Variants in USP34 observed in about 807,000 individuals in gnomAD.
USP34 encodes ubiquitin specific peptidase 34.
USP34 carries 70 observed loss-of-function variants against 460.3 expected under a neutral mutation model. The ratio of observed to expected loss-of-function variants is 0.15; its 90% CI spans 0.13 to 0.19. The LOEUF is 0.19. Ranked by LOEUF, USP34 falls within the 10% of genes least tolerant of loss-of-function variation. The pLI is 1.00. For synonymous variants in USP34, 1,647 were observed against 1,405.3 expected (o/e 1.17, Z -3.85); for missense variants, 3,985 against 4,236.2 (o/e 0.94, Z 1.65).
At chr2:61,278,706 C>T (rs1264085113) in intron 39 of USP34, among the ~76,000 whole-genome samples, 2 of 151,920 alleles carry the variant, frequency 1.3e-5, no homozygotes, top group African/African-American at 2.4e-5. Flanking sequence ...ATGGGTACAG[C>T]ACACCAACAT....
chr2:61,394,533 CAAAAAAAAAAAAA>C (rs200686763), intron 5 of USP34, among the ~76,000 whole-genome samples: 1 of 110,062 alleles, frequency 9.1e-6, no homozygotes, highest in African/African-American at 3.6e-5. Context: ...CCCTCTCTCT[CAAAAAAAAAAAAA>C]AAAAAAAAAA....
intron 47 of USP34, 148 bp downstream of exon 47, chr2:61,256,725 T>C (rs985276665): frequency 1.5e-6 from 1 of 648,298 alleles, no homozygotes; most frequent in Non-Finnish European, 2.5e-6. Context: ...TTATGGTTGA[T>C]GTTTAACTCT....
At chr2:61,207,133 A>C (rs890979378) in intron 70 of USP34, 7 of 306,910 alleles carry the variant, frequency 2.3e-5, no homozygotes, top group Admixed American at 1.0e-4. Flanking sequence ...GTTTAATCAC[A>C]TTTTTTTAAA....
chr2:61,301,183 T>A (rs554243868), intron 28 of USP34, 23 bp from the exon 29 acceptor site: 3 of 1,575,152 alleles, frequency 1.9e-6, no homozygotes, highest in Non-Finnish European at 2.6e-6. Context: ...GGAAAAAAAA[T>A]TTATGCATAT....
chr2:61,257,575 C>T (rs1415528847), intron 44 of USP34, among the ~76,000 whole-genome samples: 1 of 152,032 alleles, frequency 6.6e-6, no homozygotes, highest in Non-Finnish European at 1.5e-5. Flanking sequence ...ATTTTCAAGT[C>T]AAGGAATTTC....
chr2:61,225,722 T>G (rs1209356593), intron 62 of USP34, among the ~76,000 whole-genome samples: 2 of 152,248 alleles, frequency 1.3e-5, no homozygotes, highest in South Asian at 4.1e-4. Context: ...TGTGAGCCTC[T>G]GGTAATATTT....
At chr2:61,263,398 C>T (rs1219667065) in intron 43 of USP34, among the ~76,000 whole-genome samples, 4 of 151,724 alleles carry the variant, frequency 2.6e-5, no homozygotes, top group African/African-American at 9.7e-5. Context: ...CCAGGCTGGT[C>T]TCAGACTCCT....
chr2:61,188,383 G>A lies in USP34; in HGVS notation c.10360C>T (p.His3454Tyr), dbSNP rs933000623. The change falls in exon 80 of 80, where the codon CAC becomes TAC. Residue 3454 changes from histidine to tyrosine, a missense_variant. This residue lies in a region of USP34 where 506 missense variants were observed against 439.0 expected (regional missense o/e 1.15). Transcript: ENST00000398571. ...GCTAGGGTAGAATCCTTGGAACAGT[G>A]GAGGTCTTTAAATTCTTTACAATCG... is the stretch of plus-strand genomic sequence containing the variant. Reference protein sequence around the residue: ...YDDCKEFKDLHCSKDSTLAEE... With the variant: ...YDDCKEFKDLYCSKDSTLAEE... 7.4e-6 allele frequency: 12 copies of A among 1,613,924 alleles called. No homozygotes were observed. Among genetic ancestry groups the A allele is most frequent in the Non-Finnish European group, 1.0e-5 (12 of 1,180,026 alleles).
At chr2:61,393,303 C>T (rs1056699075) in intron 5 of USP34, among the ~76,000 whole-genome samples, 1 of 151,894 alleles carries the variant, frequency 6.6e-6, no homozygotes. Context: ...TGGTGGCATA[C>T]GCCTGTAGTC....
chr2:61,372,249 T>A lies in USP34; in HGVS notation c.1077-1670A>T, dbSNP rs1692650378. ...TTTATTAAAAAAAAACCACTAGGAC[T>A]TACACATATGGACCTCAAAGGGTAA... On this transcript the variant is annotated intron_variant, in intron 8 of 79. Transcript: ENST00000398571. 2.0e-5 allele frequency among the ~76,000 whole-genome samples: 3 copies of A among 152,178 alleles called. No individual in the cohort carries two copies. The South Asian group carries it at 6.2e-4, about 32-fold the overall frequency.
At chr2:61,195,024 C>T (rs922868545) in intron 75 of USP34, among the ~76,000 whole-genome samples, 4 of 150,382 alleles carry the variant, frequency 2.7e-5, no homozygotes, top group Admixed American at 2.7e-4. Flanking sequence ...TTTGGGAGGC[C>T]GAGGCAGGAG....
At chr2:61,250,934 C>T (rs528493676) in intron 48 of USP34, among the ~76,000 whole-genome samples, 7 of 152,212 alleles carry the variant, frequency 4.6e-5, no homozygotes, top group South Asian at 2.1e-4. Flanking sequence ...GTCAGGAGAT[C>T]GAGACCATCC....
At chr2:61,245,893 ATG>A (rs1422656825) in intron 50 of USP34, among the ~76,000 whole-genome samples, 8 of 152,178 alleles carry the variant, frequency 5.3e-5, no homozygotes, top group Non-Finnish European at 1.2e-4. Flanking sequence ...GACTGGTTTA[ATG>A]ACTTCCAACC....
At chr2:61,355,444 T>C (rs1692073565) in intron 10 of USP34, among the ~76,000 whole-genome samples, 1 of 152,174 alleles carries the variant, frequency 6.6e-6, no homozygotes, top group African/African-American at 2.4e-5. Context: ...GTGACAGTAG[T>C]AATAAAAATG....
At chr2:61,444,068 C>T (rs947286886) in intron 1 of USP34, among the ~76,000 whole-genome samples, 2 of 152,164 alleles carry the variant, frequency 1.3e-5, no homozygotes, top group South Asian at 2.1e-4. Context: ...GGGCAACATA[C>T]GGAGACTTCA....
intron 35 of USP34, among the ~76,000 whole-genome samples, chr2:61,283,875 CAA>C (rs1689609444): frequency 8.2e-6 from 1 of 122,408 alleles, no homozygotes; most frequent in Non-Finnish European, 1.6e-5. Flanking sequence ...GAAGAAGAGT[CAA>C]ACTCATTGAA....
intron 16 of USP34, 148 bp from the exon 17 acceptor site, chr2:61,339,829 G>GT (rs940968623): frequency 1.6e-5 from 7 of 425,624 alleles, no homozygotes; most frequent in African/African-American, 2.2e-5. Flanking sequence ...ATTTTGTTTT[G>GT]TTTTGTTTTT....
intron 1 of USP34, among the ~76,000 whole-genome samples, chr2:61,421,715 G>C (rs909982512): frequency 2.0e-5 from 3 of 152,102 alleles, no homozygotes; most frequent in Non-Finnish European, 4.4e-5. Flanking sequence ...GCAGTAATAT[G>C]TCCTACTATA....
At chr2:61,404,993 C>T (rs959903142) in intron 3 of USP34, among the ~76,000 whole-genome samples, 2 of 151,658 alleles carry the variant, frequency 1.3e-5, no homozygotes, top group African/African-American at 2.4e-5. Flanking sequence ...TTTGGGAGGC[C>T]GAGGTGGGCA....
Sources: gnomAD v4.1 joint callset for allele counts (sites outside exome capture counted in the v4.1 genomes callset) on GRCh38, gnomAD v4.1.1 for gene constraint, gnomAD v4.1.1 regional missense constraint, MANE v1.5 for transcripts, NCBI Gene and HGNC (gene_info 2026-07-23, HGNC 2026-07-21) for gene names.